JAK2: variants seen among roughly 807,000 people sequenced by gnomAD.
JAK2 encodes tyrosine-protein kinase JAK2.
A neutral mutation model predicts 139.3 loss-of-function variants in JAK2; 86 were observed. The observed-to-expected ratio is 0.62, with a 90% confidence interval of 0.52 to 0.74. The LOEUF is 0.74. JAK2 is among the 30% of genes least tolerant of loss of function. The pLI is 0.00. For missense variants in JAK2, 1,421 were observed against 1,360.3 expected, an observed-to-expected ratio of 1.04 and a Z score of -0.70; for synonymous variants, 490 against 437.7, an observed-to-expected ratio of 1.12 and a Z score of -1.49.
At chr9:5,094,941 A>C (rs567931234) in intron 22 of JAK2, 1 of 152,196 alleles carries the variant, frequency 6.6e-6, no homozygotes, top group African/African-American at 2.4e-5. Flanking sequence ...TTTATGAAAA[A>C]ATTTCCTACC....
Position 5,128,355 on chromosome 9 carries a change from G to C in JAK2, c.*1564G>C. On this transcript the variant is annotated 3_prime_UTR_variant, in exon 25 of 25. Coordinates refer to ENST00000381652, the MANE Select transcript of JAK2 (RefSeq NM_004972.4). Reference sequence around the variant, plus strand: ...AATCATCTAAAATGACAGTGAATTAGGTTTTAAAAAGATTTTAGATTTTTT... The same window carrying C: ...AATCATCTAAAATGACAGTGAATTACGTTTTAAAAAGATTTTAGATTTTTT... 6.6e-6 allele frequency among the ~76,000 whole-genome samples: 1 copy of C among 151,554 alleles called. No individual in the cohort carries two copies. The highest frequency in any genetic ancestry group is 1.9e-4 in the East Asian group (1 of 5,192).
At chr9:5,118,260 C>T (rs1030431024) in intron 22 of JAK2, among the ~76,000 whole-genome samples, 2 of 152,190 alleles carry the variant, frequency 1.3e-5, no homozygotes, top group African/African-American at 4.8e-5. Context: ...AACTTTGTAT[C>T]ATTCCTTTTT....
At chr9:5,109,803 AC>A (rs1227719231) in intron 22 of JAK2, 1 of 152,162 alleles carries the variant, frequency 6.6e-6, no homozygotes, top group Non-Finnish European at 1.5e-5. Context: ...ATAAACTCAG[AC>A]CCTAACATTA....
chr9:5,122,972 C>T (rs747247299), intron 22 of JAK2, 32 bp from the exon 23 acceptor site: 1 of 1,374,844 alleles, frequency 7.3e-7, no homozygotes, highest in East Asian at 2.3e-5. Flanking sequence ...TATCAAGTAA[C>T]TGTCTTTTAA....
chr9:5,062,303 C>G (rs10974941), intron 8 of JAK2, among the ~76,000 whole-genome samples: 5 of 151,754 alleles, frequency 3.3e-5, no homozygotes, highest in African/African-American at 1.2e-4. Flanking sequence ...CCCTTGTATT[C>G]TGAGGGACAA....
At chr9:5,111,275 G>A (rs762709644) in intron 22 of JAK2, 17 of 488,662 alleles carry the variant, frequency 3.5e-5, no homozygotes, top group Non-Finnish European at 5.9e-5. Context: ...GCCTGACTCA[G>A]GCTGGCTTCC....
chr9:5,092,035 A>G (rs1820620564), intron 22 of JAK2, among the ~76,000 whole-genome samples: 2 of 152,100 alleles, frequency 1.3e-5, no homozygotes, highest in East Asian at 3.8e-4. Flanking sequence ...GGAGAGGATT[A>G]TCATTAATAA....
At chr9:5,067,782 A>T (rs1818667945) in intron 10 of JAK2, among the ~76,000 whole-genome samples, 1 of 152,190 alleles carries the variant, frequency 6.6e-6, no homozygotes, top group African/African-American at 2.4e-5. Flanking sequence ...ATTTTCAAAT[A>T]TACAAAAAAT....
chr9:5,125,309 TTC>T (rs1367696852), intron 23 of JAK2, among the ~76,000 whole-genome samples: 2 of 151,310 alleles, frequency 1.3e-5, no homozygotes, highest in African/African-American at 4.8e-5. Flanking sequence ...TTTGCTCTCC[TTC>T]TGTTTCATGA....
chr9:5,087,730 G>A (rs1411401725), intron 19 of JAK2, among the ~76,000 whole-genome samples: 1 of 152,196 alleles, frequency 6.6e-6, no homozygotes, highest in Non-Finnish European at 1.5e-5. Flanking sequence ...GGTAACCACT[G>A]CCAGACAGCT....
At chr9:5,101,664 G>C (rs960048512) in intron 22 of JAK2, among the ~76,000 whole-genome samples, 4 of 152,198 alleles carry the variant, frequency 2.6e-5, no homozygotes, top group African/African-American at 9.7e-5. Context: ...TGCCTGTCTG[G>C]GACGAAGCTT....
chr9:5,010,541 G>A (rs560307454), intron 2 of JAK2, among the ~76,000 whole-genome samples: 3 of 152,166 alleles, frequency 2.0e-5, no homozygotes, highest in South Asian at 4.1e-4. Flanking sequence ...GGTTGGTCTC[G>A]AACTCCTGAC....
At chr9:5,035,297 C>G (rs1823496348) in intron 4 of JAK2, among the ~76,000 whole-genome samples, 1 of 152,168 alleles carries the variant, frequency 6.6e-6, no homozygotes, top group Non-Finnish European at 1.5e-5. Context: ...TGAATTCTAC[C>G]AGAGGTGCAA....
At chr9:5,072,408 T>A (rs1417346149) in intron 12 of JAK2, 84 bp from the exon 13 acceptor site, 1 of 1,012,930 alleles carries the variant, frequency 9.9e-7, no homozygotes, top group Non-Finnish European at 1.4e-6. Context: ...TTTAAAAAAA[T>A]TCTTCCTCAT....
At chr9:5,123,953 T>G (rs977807543) in intron 23 of JAK2, among the ~76,000 whole-genome samples, 1 of 151,752 alleles carries the variant, frequency 6.6e-6, no homozygotes, top group African/African-American at 2.4e-5. Context: ...TTTGCATTTC[T>G]CTGGTGATTA....
intron 22 of JAK2, chr9:5,094,550 C>G (rs191414767): frequency 2.6e-5 from 4 of 152,272 alleles, no homozygotes; most frequent in Admixed American, 2.6e-4. Flanking sequence ...CTAAGTGGCT[C>G]AACTTATATG....
Position 5,126,386 on chromosome 9 carries a change from T to C in JAK2, c.3231T>C (p.His1077=), listed in dbSNP as rs763925198. The C allele has an allele frequency of 3.7e-6, 6 of 1,610,988 alleles. No homozygotes were observed. Among genetic ancestry groups the C allele is most frequent in the Middle Eastern group, 3.3e-4 (2 of 6,074 alleles). The part of the protein sequence containing the change: ...NDKQGQMIVF[H]LIELLKNNGR... ...AACAAGGACAGATGATCGTGTTCCA[T>C]TTGATAGAACTTTTGAAGAATAATG... The change falls in exon 24 of 25, where the codon CAT becomes CAC. Residue 1077 remains histidine, a synonymous_variant. Transcript: ENST00000381652.
chr9:5,108,023 T>C (rs1275323265), intron 22 of JAK2: 1 of 152,162 alleles, frequency 6.6e-6, no homozygotes, highest in African/African-American at 2.4e-5. Context: ...AGCCTACTTA[T>C]CAGCCTCATC....
At chr9:5,116,226 A>G (rs1174412861) in intron 22 of JAK2, among the ~76,000 whole-genome samples, 2 of 152,210 alleles carry the variant, frequency 1.3e-5, no homozygotes, top group African/African-American at 2.4e-5. Context: ...TGGCATGACT[A>G]GTAAATCACT....
Sources: allele counts gnomAD v4.1 joint callset (sites outside exome capture counted in the v4.1 genomes callset), GRCh38; gene constraint gnomAD v4.1.1; transcripts MANE v1.5; gene names NCBI Gene and HGNC (gene_info 2026-07-23, HGNC 2026-07-21).